NEB: variants seen among roughly 807,000 people sequenced by gnomAD.
The protein encoded by NEB is nebulin, also known as nemaline myopathy type 2.
In NEB, 512 loss-of-function variants were observed where a neutral mutation model predicts 952.2. The ratio of observed to expected loss-of-function variants is 0.54; its 90% CI spans 0.50 to 0.58. The LOEUF is 0.58. NEB is among the 20% of genes least tolerant of loss of function. The pLI is 0.00. For synonymous variants in NEB, 2,900 were observed against 3,149.8 expected (o/e 0.92, Z 2.66); for missense variants, 8,428 against 9,231.1 (o/e 0.91, Z 3.56).
chr2:151,516,389 T>A, intron 157 of NEB, 70 bp downstream of exon 157: 1 of 1,050,426 alleles, frequency 9.5e-7, no homozygotes, highest in South Asian at 1.5e-5. Context: ...AAACTGGCCA[T>A]GTCATGGGCA....
At chr2:151,622,876 A>T (rs2098446527) in intron 71 of NEB, among the ~76,000 whole-genome samples, 1 of 152,196 alleles carries the variant, frequency 6.6e-6, no homozygotes, top group Admixed American at 6.5e-5. Context: ...AGTTCAAGAG[A>T]ATGAGTAGCA....
At chr2:151,545,396 A>G (rs898550458) in intron 135 of NEB, among the ~76,000 whole-genome samples, 1 of 151,942 alleles carries the variant, frequency 6.6e-6, no homozygotes, top group African/African-American at 2.4e-5. Flanking sequence ...GCCAACATGG[A>G]GAAACCCCAT....
Position 151,678,153 on chromosome 2 carries a change from C to G in NEB, c.3290G>C (p.Gly1097Ala). The part of the protein sequence containing the change: ...QYKKDYEKAK[G>A]KMVGFQSLQD... ...AAGACTTTGGAAGCCAACCATTTTCCCTTTAGCCTTTTCATAGTCTTTTTT... is the reference window on the plus strand; with the variant it reads ...AAGACTTTGGAAGCCAACCATTTTCGCTTTAGCCTTTTCATAGTCTTTTTT... The change falls in exon 33 of 182, where the codon GGG becomes GCG. Residue 1097 changes from glycine to alanine, a missense_variant. Gly to Ala is a moderately conservative substitution (Grantham distance 60). Coordinates refer to ENST00000397345, the MANE Select transcript of NEB (RefSeq NM_001164508.2). The G allele has an allele frequency of 6.2e-7, 1 of 1,610,990 alleles. No homozygotes were observed. The highest frequency in any genetic ancestry group is 8.5e-7 in the Non-Finnish European group (1 of 1,178,392).
At chr2:151,519,230 T>C (rs142519626) in intron 154 of NEB, among the ~76,000 whole-genome samples, 161 bp from the exon 155 acceptor site, 37 of 152,322 alleles carry the variant, frequency 2.4e-4, no homozygotes, top group African/African-American at 6.7e-4. Flanking sequence ...AACCCAAGTG[T>C]CTGTCAGCAG....
intron 69 of NEB, 108 bp from the exon 70 acceptor site, chr2:151,627,313 G>A (rs529907435): frequency 3.4e-5 from 48 of 1,404,876 alleles, no homozygotes; most frequent in African/African-American, 5.8e-5. Context: ...TCATGTATAC[G>A]TTCTTCAATA....
intron 39 of NEB, among the ~76,000 whole-genome samples, chr2:151,668,488 C>A (rs115456572): frequency 0.012 from 1,780 of 152,050 alleles, 32 homozygotes; most frequent in African/African-American, 0.04. Context: ...AAAAAATTAA[C>A]AATTTTATCC....
At chr2:151,515,964 A>G (rs934507318) in intron 157 of NEB, among the ~76,000 whole-genome samples, 1 of 152,242 alleles carries the variant, frequency 6.6e-6, no homozygotes, top group African/African-American at 2.4e-5. Flanking sequence ...ACTCTTGGTT[A>G]AAAATGACCA....
Position 151,655,364 on chromosome 2 carries a change from G to A in NEB, c.6713C>T (p.Thr2238Ile). 1 of 1,563,664 alleles carries A rather than the reference G, an allele frequency of 6.4e-7. No homozygotes were observed. ...GGTCTTATCTTTATTCCAATCAATG[G>A]TGTATAAATGCTAGGAAGTGGGAAA... ...NAHTMNKHLY[T>I]IDWNKDKTKI... The change falls in exon 51 of 182, where the codon ACC (threonine) becomes ATC (isoleucine). Residue 2238 changes from threonine to isoleucine, a missense_variant. Thr to Ile is a moderately conservative substitution (Grantham distance 89, BLOSUM62 -1). Coordinates refer to ENST00000397345, the MANE Select transcript of NEB (RefSeq NM_001164508.2).
chr2:151,628,717 C>T (rs1020332472), intron 68 of NEB, among the ~76,000 whole-genome samples: 3 of 151,956 alleles, frequency 2.0e-5, no homozygotes, highest in Admixed American at 2.0e-4. Flanking sequence ...AAAAAATTAG[C>T]CAAGTGTGGT....
intron 129 of NEB, among the ~76,000 whole-genome samples, chr2:151,550,013 A>G (rs1302076938): frequency 6.6e-6 from 1 of 152,102 alleles, no homozygotes; most frequent in African/African-American, 2.4e-5. Context: ...GACATCTGTA[A>G]TCTCAACACT....
rs1559141551 is a variant in NEB, at chr2:151,677,574, T to TTGCTTCGTGTTCTGTTTTGCCTGGA, written c.3740_3764dup (p.Gln1255HisfsTer12). The TTGCTTCGTGTTCTGTTTTGCCTGGA allele has an allele frequency of 6.2e-7, 1 of 1,613,208 alleles. No homozygotes were observed. The stretch of plus-strand genomic sequence containing the variant: ...ATTTTATTGTACTCACATCACTGAC[T>TTGCTTCGTGTTCTGTTTTGCCTGGA]TGCTTCGTGTTCTGTTTTGCCTGGA... On this transcript the variant is annotated frameshift_variant, in exon 34 of 182. Transcript: ENST00000397345. LOFTEE classifies it high-confidence loss of function.
chr2:151,563,497 G>T, intron 119 of NEB, 109 bp downstream of exon 119: 1 of 918,432 alleles, frequency 1.1e-6, no homozygotes, highest in Non-Finnish European at 1.8e-6. Flanking sequence ...AGGACCCTAC[G>T]CTACTCCATT....
In NEB at chr2:151,565,736, T is replaced by C; in HGVS notation, c.18241A>G (p.Asn6081Asp). 6.2e-7 allele frequency: 1 copy of C among 1,612,510 alleles called. No homozygotes were observed. The highest frequency in any genetic ancestry group is 1.1e-5 in the South Asian group (1 of 90,754). Reference protein sequence around the residue: ...DSVDHVRVTKNQEMMSQIKYK... With the variant: ...DSVDHVRVTKDQEMMSQIKYK... ...CGTACCTGACTCATCATTTCCTGGT[T>C]CTTAGTAACCCTTACATGGTCCACA... Residue 6081 changes from asparagine (N) to aspartate (D), a missense_variant, in exon 115 of 182, where the codon AAC (asparagine) becomes GAC (aspartate). Asn to Asp is a conservative substitution (Grantham distance 23). Around this residue, in one of 11 missense-constraint regions of NEB, gnomAD observed 3,374 missense variants for 3,651.5 expected, o/e 0.92. Transcript: ENST00000397345.
At chr2:151,664,949 G>T in intron 42 of NEB, 86 bp from the exon 43 acceptor site, 1 of 919,710 alleles carries the variant, frequency 1.1e-6, no homozygotes, top group Non-Finnish European at 1.6e-6. Context: ...ACAACTCCAT[G>T]GTAAAAGAGG....
rs377015178 is a variant in NEB, at chr2:151,643,878, T to C, written c.7896A>G (p.Thr2632=). ...VDYKNYLHQW[T]CLPDQSDVIH... is the part of the protein sequence containing the mutation. ...TGACATCGCTCTGGTCGGGCAGGCATGTCCACTGGTGCAGGTAGTTCTTGT... is the reference window on the plus strand; with the variant it reads ...TGACATCGCTCTGGTCGGGCAGGCACGTCCACTGGTGCAGGTAGTTCTTGT... Residue 2632 remains threonine (T), a synonymous_variant, in exon 57 of 182, where the codon ACA becomes ACG. Transcript: ENST00000397345. The C allele has an allele frequency of 2.4e-5, 39 of 1,613,916 alleles. No individual in the cohort carries two copies. The African/African-American group carries it at 2.8e-4, about 12-fold the overall frequency.
At chr2:151,628,436 A>G (rs1418742414) in intron 68 of NEB, among the ~76,000 whole-genome samples, 1 of 152,212 alleles carries the variant, frequency 6.6e-6, no homozygotes, top group Non-Finnish European at 1.5e-5. Flanking sequence ...GAAAAATGGA[A>G]TATGTATCTA....
intron 116 of NEB, 21 bp from the exon 117 acceptor site, chr2:151,565,169 C>A: frequency 1.7e-6 from 2 of 1,174,540 alleles, no homozygotes; most frequent in Non-Finnish European, 2.4e-6. Flanking sequence ...AAAACCAAAT[C>A]TTTTATTACT....
rs1201340200 is a variant in NEB, at chr2:151,650,396, C to A, written c.7228-17G>T. 6.2e-7 allele frequency: 1 copy of A among 1,609,152 alleles called. No individual in the cohort carries two copies. The highest frequency in any genetic ancestry group is 8.5e-7 in the Non-Finnish European group (1 of 1,175,648). Reference sequence around the variant, plus strand: ...ATATAGATTCTGTGAAAAGACAGAGCAAGCCATCAAAATCCCATTCTCACC... The same window carrying A: ...ATATAGATTCTGTGAAAAGACAGAGAAAGCCATCAAAATCCCATTCTCACC... On this transcript the variant is annotated splice_polypyrimidine_tract_variant and intron_variant, in intron 53 of 181. Transcript: ENST00000397345.
At chr2:151,659,036 A>C (rs1231892463) in intron 47 of NEB, 29 bp downstream of exon 47, 1 of 1,431,772 alleles carries the variant, frequency 7.0e-7, no homozygotes, top group Non-Finnish European at 9.9e-7. Flanking sequence ...GCTGGAGAGA[A>C]AGATGACAAC....
Sources: gnomAD v4.1 joint callset for allele counts (sites outside exome capture counted in the v4.1 genomes callset) on GRCh38, gnomAD v4.1.1 for gene constraint, gnomAD v4.1.1 regional missense constraint, MANE v1.5 for transcripts, NCBI Gene and HGNC (gene_info 2026-07-23, HGNC 2026-07-21) for gene names.